CCDC33: variants seen among roughly 807,000 people sequenced by gnomAD.
The protein encoded by CCDC33 is coiled-coil domain-containing protein 33.
Under a neutral mutation model 91.9 loss-of-function variants are expected in CCDC33, and 94 were observed. The ratio of observed to expected loss-of-function variants is 1.02; its 90% CI spans 0.87 to 1.21. The LOEUF (loss-of-function observed/expected upper bound fraction) is 1.21, where lower values mean the gene tolerates loss of function less well. Ranked by LOEUF, CCDC33 falls within the 50% of genes most tolerant of loss-of-function variation. CCDC33 has a pLI of 0.00. For synonymous variants in CCDC33, 396 were observed against 374.5 expected, an observed-to-expected ratio of 1.06 and a Z score of -0.66; for missense variants, 940 against 935.5, an observed-to-expected ratio of 1.00 and a Z score of -0.06.
chr15:74,331,345 CT>C, intron 15 of CCDC33, 49 bp downstream of exon 15: 1 of 1,578,028 alleles, frequency 6.3e-7, no homozygotes, highest in Non-Finnish European at 8.7e-7. Context: ...TGCTCCACCC[CT>C]GGAGGCCCTG....
chr15:74,207,694 C>T (rs1225752795), intron 1 of CCDC33: 2 of 1,535,518 alleles, frequency 1.3e-6, no homozygotes, highest in South Asian at 1.2e-5. Flanking sequence ...CCACTGTGCC[C>T]ACCTGTGCAG....
intron 2 of CCDC33, among the ~76,000 whole-genome samples, chr15:74,211,409 T>C (rs2142125120): frequency 6.8e-6 from 1 of 147,584 alleles, no homozygotes; most frequent in East Asian, 2.0e-4. Context: ...TTTTTTTTTT[T>C]TTTTTTTTGA....
chr15:74,280,273 C>T (rs562483815), intron 8 of CCDC33, among the ~76,000 whole-genome samples, 181 bp downstream of exon 8: 9 of 152,276 alleles, frequency 5.9e-5, no homozygotes, highest in Admixed American at 3.3e-4. Flanking sequence ...GGCCAGGACA[C>T]GTGGGCCTGT....
rs1464954422 is a variant in CCDC33, at chr15:74,272,283, G to A, written c.639-488G>A. ...ACTTCACAGCCTTTAGCCCTGCCGG[G>A]CGGAGTCTCCTCCCTCCTCATCCTG... On this transcript the variant is annotated intron_variant, in intron 6 of 18. Transcript: ENST00000398814. 2.6e-5 allele frequency among the ~76,000 whole-genome samples: 4 copies of A among 152,184 alleles called. No homozygotes were observed. In the East Asian group the frequency reaches 5.8e-4, roughly 22 times the overall value.
rs994072985 is a variant in CCDC33 at position 74,221,169 on chromosome 15, T to TTA, written c.675+2309_675+2310insAT. The TTA allele has an allele frequency of 2.0e-5, 19 of 970,460 alleles. No homozygotes were observed. In the African/African-American group the frequency reaches 3.3e-4, roughly 17 times the overall value. 60.1% of individuals were successfully genotyped at this position (970,460 alleles called of 1,614,324 possible). A position where few individuals can be genotyped will look rare whatever the true frequency, so the allele number is the denominator to read the frequency against. ...TGAATCTATTCAATTCAGAACTTGG[T>TTA]TGTAGGCTCACAAGTTGTTCTCCAG... On this transcript the variant is annotated intron_variant, in intron 2 of 2. Coordinates refer to the CCDC33 transcript ENST00000635913.
chr15:74,242,531 C>T (rs2075381303), intron 1 of CCDC33, among the ~76,000 whole-genome samples: 1 of 152,172 alleles, frequency 6.6e-6, no homozygotes. Context: ...GCCAGTGGCC[C>T]CTCAGGGCCC....
At chr15:74,334,833 A>T in intron 17 of CCDC33, 142 bp from the exon 18 acceptor site, 1 of 697,940 alleles carries the variant, frequency 1.4e-6, no homozygotes, top group South Asian at 1.7e-5. Context: ...GCCACCCCTG[A>T]GGTCTCGGGA....
At position 74,331,068 on chromosome 15, in the gene CCDC33, C is replaced by T; in HGVS notation, c.1633C>T (p.Gln545Ter). 2 of 1,613,620 alleles carry T rather than the reference C, an allele frequency of 1.2e-6. No homozygotes were observed. The highest frequency in any genetic ancestry group is 2.2e-5 in the South Asian group (2 of 90,980). ...ALLKQYQGKL[Q>*]KMKALEETVR... Reference sequence around the variant, plus strand: ...GCTGAAGCAGTACCAGGGCAAGCTGCAGAAGATGAAGGCGCTGGAGGAGAC... The same window carrying T: ...GCTGAAGCAGTACCAGGGCAAGCTGTAGAAGATGAAGGCGCTGGAGGAGAC... The change falls in exon 14 of 19, where the codon CAG (glutamine) becomes TAG (stop). Residue 545 changes from glutamine (Q) to a stop codon, truncating the protein, a stop_gained. Transcript: ENST00000398814. LOFTEE classifies it high-confidence loss of function.
chr15:74,283,737 T>A (rs1459839844), intron 10 of CCDC33, among the ~76,000 whole-genome samples: 3 of 151,526 alleles, frequency 2.0e-5, no homozygotes, highest in Admixed American at 6.6e-5. Flanking sequence ...GGGATCAGGA[T>A]TGGGTGTGTA....
intron 11 of CCDC33, among the ~76,000 whole-genome samples, chr15:74,321,337 G>A (rs114249601): frequency 0.025 from 3,793 of 150,710 alleles, 157 homozygotes; most frequent in African/African-American, 0.089. Flanking sequence ...TGCAACCTCC[G>A]CCCCACCCCC....
At chr15:74,258,060 C>T (rs2075920547) in intron 2 of CCDC33, among the ~76,000 whole-genome samples, 1 of 152,228 alleles carries the variant, frequency 6.6e-6, no homozygotes, top group South Asian at 2.1e-4. Context: ...GACAGCTGGC[C>T]TGCAGGACTG....
chr15:74,283,439 G>A (rs1451858721), intron 10 of CCDC33, among the ~76,000 whole-genome samples: 1 of 152,218 alleles, frequency 6.6e-6, no homozygotes, highest in Non-Finnish European at 1.5e-5. Flanking sequence ...ACAGGCAGGT[G>A]GGCAGAACAG....
intron 11 of CCDC33, among the ~76,000 whole-genome samples, chr15:74,327,295 C>T (rs1321772400): frequency 6.6e-6 from 1 of 152,192 alleles, no homozygotes; most frequent in Admixed American, 6.5e-5. Context: ...TCTCCTTCCT[C>T]GCTCTGGGCC....
intron 7 of CCDC33, among the ~76,000 whole-genome samples, chr15:74,276,489 C>T (rs1418858583): frequency 1.3e-5 from 2 of 152,180 alleles, no homozygotes; most frequent in Non-Finnish European, 2.9e-5. Context: ...GCTGGCCTGT[C>T]CCCAAGCTCT....
chr15:74,241,859 G>C (rs546467877), intron 1 of CCDC33, among the ~76,000 whole-genome samples: 48 of 152,334 alleles, frequency 3.2e-4, no homozygotes, highest in African/African-American at 1.1e-3. Flanking sequence ...GAATCAGGAA[G>C]GACTCCAAGA....
rs756374400 is a variant in CCDC33 at position 74,272,788 on chromosome 15, G to C, written c.656G>C (p.Arg219Thr). 1.9e-6 allele frequency: 3 copies of C among 1,614,144 alleles called. No homozygotes were observed. Among genetic ancestry groups the C allele is most frequent in the Non-Finnish European group, 2.5e-6 (3 of 1,180,018 alleles). The change falls in exon 7 of 19, where the codon AGG (arginine) becomes ACG (threonine). Residue 219 changes from arginine (R) to threonine (T), a missense_variant. Physicochemically the swap from Arg to Thr is moderately conservative, Grantham distance 71. Transcript: ENST00000398814. ...YKEFKVSQAN[R>T]DLASVGLPIT... is the part of the protein sequence containing the mutation. ...CTCCCCAGGGTCAGCCAGGCTAACA[G>C]GGACCTGGCCTCTGTGGGGCTGCCC...
intron 11 of CCDC33, among the ~76,000 whole-genome samples, chr15:74,305,331 A>G (rs1010717376): frequency 3.3e-5 from 5 of 152,330 alleles, no homozygotes; most frequent in Middle Eastern, 3.4e-3. Flanking sequence ...CTGAGACCCA[A>G]GAAGCAACGG....
At position 74,254,870 on chromosome 15, in the gene CCDC33, C is replaced by G. The variant is rs1478857640; in HGVS notation, c.186-7570C>G. Among the ~76,000 whole-genome samples the G allele has an allele frequency of 2.0e-5, 3 of 151,858 alleles. No individual in the cohort carries two copies. In the East Asian group the frequency reaches 5.8e-4, roughly 29 times the overall value. ...TCAAGCAATTCTCCTGCCTCAGCCT[C>G]CTGAGTAGCTGGGATTACAGGCGTG... On this transcript the variant is annotated intron_variant, in intron 2 of 18. Coordinates refer to ENST00000398814, the MANE Select transcript of CCDC33 (RefSeq NM_025055.5).
At chr15:74,246,422 G>A (rs12898529) in intron 2 of CCDC33, among the ~76,000 whole-genome samples, 74,994 of 152,088 alleles carry the variant, frequency 0.49, 22,118 homozygotes, top group Non-Finnish European at 0.67. Flanking sequence ...AACATGTATC[G>A]GATAAGGAGT....
Sources: gnomAD v4.1 joint callset for allele counts (sites outside exome capture counted in the v4.1 genomes callset) on GRCh38, gnomAD v4.1.1 for gene constraint, MANE v1.5 for transcripts, NCBI Gene and HGNC (gene_info 2026-07-23, HGNC 2026-07-21) for gene names.